The following PCDH9 variants were observed in gnomAD, a reference collection of about 807,000 sequenced individuals.
The protein encoded by PCDH9 is protocadherin 9.
PCDH9 carries 24 observed loss-of-function variants against 70.6 expected under a neutral mutation model. The observed-to-expected ratio is 0.34, with a 90% confidence interval of 0.25 to 0.48. The LOEUF is 0.48. PCDH9 is among the 20% of genes least tolerant of loss of function. PCDH9 has a pLI of 0.99. For synonymous variants in PCDH9, 562 were observed against 558.5 expected, an observed-to-expected ratio of 1.01 and a Z score of -0.09; for missense variants, 1,281 against 1,503.6, an observed-to-expected ratio of 0.85 and a Z score of 2.45.
intron 4 of PCDH9, among the ~76,000 whole-genome samples, chr13:66,413,370 A>G (rs1046640563): frequency 6.6e-6 from 1 of 152,184 alleles, no homozygotes; most frequent in African/African-American, 2.4e-5. Context: ...ACAGATATTT[A>G]TTTTAGATTA....
At chr13:66,388,082 G>A (rs533435683) in intron 4 of PCDH9, among the ~76,000 whole-genome samples, 1 of 152,106 alleles carries the variant, frequency 6.6e-6, no homozygotes, top group Non-Finnish European at 1.5e-5. Context: ...TTTTCAATGA[G>A]TATTCTATCA....
chr13:67,029,647 T>C (rs1312113213), intron 2 of PCDH9, among the ~76,000 whole-genome samples: 2 of 152,226 alleles, frequency 1.3e-5, no homozygotes, highest in Non-Finnish European at 2.9e-5. Context: ...TGCTTTTGAA[T>C]GATCAATATG....
intron 3 of PCDH9, among the ~76,000 whole-genome samples, chr13:66,664,346 T>C (rs1194292372): frequency 1.3e-5 from 2 of 152,178 alleles, no homozygotes; most frequent in Non-Finnish European, 2.9e-5. Flanking sequence ...GGATTAATAG[T>C]AGTTTGTTAT....
At chr13:66,485,740 T>A (rs1162899657) in intron 4 of PCDH9, among the ~76,000 whole-genome samples, 12 of 152,018 alleles carry the variant, frequency 7.9e-5, no homozygotes, top group Non-Finnish European at 1.5e-4. Flanking sequence ...TTATTTATTT[T>A]TTATTTTTTA....
In PCDH9 at chr13:66,407,747, C is replaced by T. The variant is rs147778074; in HGVS notation, c.3341-102719G>A. On this transcript the variant is annotated intron_variant, in intron 4 of 4. Transcript: ENST00000377865. ...TTTAACATAAAGAACTGTAATCCAT[C>T]AGTTTTGGTATTCTTGACATCCCTG... is the stretch of plus-strand genomic sequence containing the variant. Among the ~76,000 whole-genome samples, 65 of 152,234 alleles carry T rather than the reference C, an allele frequency of 4.3e-4. No individual in the cohort carries two copies. In the East Asian group the frequency reaches 0.012, roughly 28 times the overall value.
intron 2 of PCDH9, among the ~76,000 whole-genome samples, chr13:66,957,525 T>G (rs147771850): frequency 6.6e-6 from 1 of 152,174 alleles, no homozygotes; most frequent in African/African-American, 2.4e-5. Flanking sequence ...GAAAAGTTGC[T>G]GGGAACTGAA....
chr13:66,359,070 G>A (rs1956427900), intron 4 of PCDH9, among the ~76,000 whole-genome samples: 1 of 151,904 alleles, frequency 6.6e-6, no homozygotes, highest in Non-Finnish European at 1.5e-5. Context: ...TAAGCCTAGG[G>A]ACTATCATAA....
intron 2 of PCDH9, among the ~76,000 whole-genome samples, chr13:67,134,667 C>T (rs1360081054): frequency 6.6e-6 from 1 of 152,034 alleles, no homozygotes; most frequent in Non-Finnish European, 1.5e-5. Flanking sequence ...TGTGGGGTGG[C>T]TTCTTGCTAC....
At chr13:67,046,122 T>C (rs886924548) in intron 2 of PCDH9, among the ~76,000 whole-genome samples, 2 of 152,138 alleles carry the variant, frequency 1.3e-5, no homozygotes, top group Non-Finnish European at 2.9e-5. Context: ...TATTATAATA[T>C]GTTAAGAATG....
chr13:66,737,441 A>G (rs1349125967), intron 3 of PCDH9, among the ~76,000 whole-genome samples: 2 of 152,188 alleles, frequency 1.3e-5, no homozygotes, highest in Non-Finnish European at 2.9e-5. Flanking sequence ...TTGGCAGTCT[A>G]TTTACTTTTG....
chr13:66,626,136 A>T (rs2077495636), intron 4 of PCDH9, among the ~76,000 whole-genome samples: 1 of 152,116 alleles, frequency 6.6e-6, no homozygotes. Context: ...TATCAAGAAA[A>T]TCATTGGGAG....
chr13:66,986,791 TTG>T (rs1462300097), intron 2 of PCDH9, among the ~76,000 whole-genome samples: 10 of 152,008 alleles, frequency 6.6e-5, no homozygotes, highest in Admixed American at 2.6e-4. Context: ...CACAAGATGA[TTG>T]TTTCATTTTC....
In PCDH9 at chr13:66,826,413, T is replaced by C. The variant is rs182494090; in HGVS notation, c.3138+77091A>G. On this transcript the variant is annotated intron_variant, in intron 3 of 4. Transcript: ENST00000377865. Reference sequence around the variant, plus strand: ...AGTAAAAGAGATAATATAAAGAATGTAGGTTTTTGAGGTCAGACATATCTG... The same window carrying C: ...AGTAAAAGAGATAATATAAAGAATGCAGGTTTTTGAGGTCAGACATATCTG... 3.3e-5 allele frequency among the ~76,000 whole-genome samples: 5 copies of C among 152,324 alleles called. No homozygotes were observed. In the East Asian group the frequency reaches 5.8e-4, roughly 18 times the overall value.
chr13:66,923,886 C>A (rs1209867911), intron 2 of PCDH9, among the ~76,000 whole-genome samples: 1 of 151,684 alleles, frequency 6.6e-6, no homozygotes, highest in African/African-American at 2.4e-5. Flanking sequence ...ATGAAAATGT[C>A]CATTTTCTGT....
chr13:67,203,318 C>T (rs2089262169), intron 2 of PCDH9: 1 of 151,964 alleles, frequency 6.6e-6, no homozygotes, highest in African/African-American at 2.4e-5. Context: ...GGTTAATAGA[C>T]TTTGTAATTC....
intron 2 of PCDH9, among the ~76,000 whole-genome samples, chr13:67,013,165 T>G (rs2084486289): frequency 6.6e-6 from 1 of 151,620 alleles, no homozygotes; most frequent in Admixed American, 6.6e-5. Flanking sequence ...TGGAAAAACA[T>G]AAATCACCCA....
At chr13:66,583,588 TG>T (rs2076923670) in intron 4 of PCDH9, among the ~76,000 whole-genome samples, 1 of 151,632 alleles carries the variant, frequency 6.6e-6, no homozygotes, top group South Asian at 2.1e-4. Context: ...TACTCCAGTC[TG>T]GGTGACAGAG....
intron 4 of PCDH9, among the ~76,000 whole-genome samples, chr13:66,387,367 A>G (rs1230563590): frequency 6.6e-6 from 1 of 151,984 alleles, no homozygotes; most frequent in Non-Finnish European, 1.5e-5. Flanking sequence ...TTACTCTCTG[A>G]TATAGTTGGA....
chr13:66,705,136 T>C (rs1403920930), intron 3 of PCDH9, among the ~76,000 whole-genome samples: 2 of 152,058 alleles, frequency 1.3e-5, no homozygotes, highest in South Asian at 2.1e-4. Flanking sequence ...TACCATAGAG[T>C]GTTTATGGAA....
Sources: gnomAD v4.1 joint callset for allele counts (sites outside exome capture counted in the v4.1 genomes callset) on GRCh38, gnomAD v4.1.1 for gene constraint, MANE v1.5 for transcripts, NCBI Gene and HGNC (gene_info 2026-07-23, HGNC 2026-07-21) for gene names.